The following PDE1C variants were observed in gnomAD, a reference collection of about 807,000 sequenced individuals.
The protein encoded by PDE1C is dual specificity calcium/calmodulin-dependent 3',5'-cyclic nucleotide phosphodiesterase 1C.
A neutral mutation model predicts 93.1 loss-of-function variants in PDE1C; 62 were observed. The ratio of observed to expected loss-of-function variants is 0.67; its 90% CI spans 0.54 to 0.82. PDE1C has a LOEUF of 0.82. PDE1C is among the 40% of genes least tolerant of loss of function. The probability of loss-of-function intolerance (pLI) is 0.00; values close to 1 mark genes in which losing one functional copy is unlikely to be tolerated. For missense variants in PDE1C, 742 were observed against 884.6 expected (o/e 0.84, Z 2.04); for synonymous variants, 325 against 310.1 (o/e 1.05, Z -0.50).
chr7:31,846,118 G>A (rs529631034), intron 9 of PDE1C, among the ~76,000 whole-genome samples: 1 of 152,028 alleles, frequency 6.6e-6, no homozygotes, highest in South Asian at 2.1e-4. Context: ...GTATAATCCT[G>A]GCTTCCTGAC....
chr7:31,914,299 A>G (rs1801609581), intron 2 of PDE1C, among the ~76,000 whole-genome samples: 1 of 152,230 alleles, frequency 6.6e-6, no homozygotes, highest in African/African-American at 2.4e-5. Flanking sequence ...ATCAAGACAA[A>G]TATAATAGCT....
the PDE1C span, among the ~76,000 whole-genome samples, chr7:31,697,613 C>T: frequency 5.3e-5 from 8 of 151,906 alleles, no homozygotes; most frequent in East Asian, 1.3e-3. Context: ...TGTAAAGGAG[C>T]TGCTCTGTGA....
chr7:31,709,891 C>T, the PDE1C span, among the ~76,000 whole-genome samples: 1 of 152,186 alleles, frequency 6.6e-6, no homozygotes, highest in Non-Finnish European at 1.5e-5. Flanking sequence ...TGGCTCATGC[C>T]TGTAATTCCA....
intron 2 of PDE1C, among the ~76,000 whole-genome samples, chr7:32,009,616 G>C (rs1269714666): frequency 6.6e-6 from 1 of 152,198 alleles, no homozygotes; most frequent in Non-Finnish European, 1.5e-5. Flanking sequence ...TTCCTTATAA[G>C]ATCAGCAATG....
chr7:31,915,804 T>A (rs1332338591), intron 2 of PDE1C, among the ~76,000 whole-genome samples: 2 of 152,204 alleles, frequency 1.3e-5, no homozygotes, highest in African/African-American at 4.8e-5. Flanking sequence ...ACACATTTAT[T>A]TAACATAAGT....
intron 2 of PDE1C, among the ~76,000 whole-genome samples, chr7:31,994,638 A>T (rs1269897173): frequency 6.6e-6 from 1 of 152,180 alleles, no homozygotes; most frequent in Non-Finnish European, 1.5e-5. Flanking sequence ...AAGGAACCTA[A>T]TTACTTTCCA....
At chr7:32,299,886 G>C (rs1308248955), upstream of PDE1C, among the ~76,000 whole-genome samples, 1 of 152,124 alleles carries the variant, frequency 6.6e-6, no homozygotes, top group Non-Finnish European at 1.5e-5. Flanking sequence ...AAGAGTCCAC[G>C]GTATAACAAT....
At chr7:32,354,511 C>T (rs774554268) in intron 1 of PDE1C, among the ~76,000 whole-genome samples, 8 of 152,272 alleles carry the variant, frequency 5.3e-5, no homozygotes, top group Non-Finnish European at 8.8e-5. Flanking sequence ...CATACCTGTA[C>T]TCCCAGCTAC....
At chr7:31,998,426 T>C (rs1785040867) in intron 2 of PDE1C, among the ~76,000 whole-genome samples, 1 of 152,222 alleles carries the variant, frequency 6.6e-6, no homozygotes, top group Non-Finnish European at 1.5e-5. Context: ...TGTATGACTC[T>C]ATGGTAGGCC....
intron 1 of PDE1C, among the ~76,000 whole-genome samples, chr7:32,259,417 C>A (rs1000327176): frequency 6.6e-6 from 1 of 152,136 alleles, no homozygotes; most frequent in African/African-American, 2.4e-5. Flanking sequence ...GTGCTCAGGG[C>A]CCCGGCAAGT....
At chr7:31,884,600 A>G (rs1797655186) in intron 2 of PDE1C, among the ~76,000 whole-genome samples, 1 of 152,150 alleles carries the variant, frequency 6.6e-6, no homozygotes, top group African/African-American at 2.4e-5. Context: ...GTGATTCCAG[A>G]TGCCCCTTTC....
chr7:31,971,147 A>G (rs1584265148), intron 2 of PDE1C, among the ~76,000 whole-genome samples: 1 of 152,190 alleles, frequency 6.6e-6, no homozygotes, highest in Non-Finnish European at 1.5e-5. Context: ...CTGTTTCAAT[A>G]CATAAAAAAT....
intron 3 of PDE1C, among the ~76,000 whole-genome samples, chr7:32,139,973 A>C (rs922403838): frequency 5.9e-5 from 9 of 152,116 alleles, no homozygotes; most frequent in African/African-American, 2.2e-4. Flanking sequence ...TGGGCATTGG[A>C]TGACAATGCT....
downstream of PDE1C, among the ~76,000 whole-genome samples, chr7:31,748,593 T>G (rs759783664): frequency 1.3e-5 from 2 of 152,256 alleles, no homozygotes; most frequent in Non-Finnish European, 1.5e-5. Context: ...CTTTTCATGT[T>G]CTGTGAATGT....
At chr7:31,720,410 T>C in the PDE1C span, among the ~76,000 whole-genome samples, 2 of 152,144 alleles carry the variant, frequency 1.3e-5, no homozygotes, top group African/African-American at 4.8e-5. Context: ...GCCTACATCG[T>C]AAGCGTCTCT....
At chr7:31,889,137 G>A (rs1798317966) in intron 2 of PDE1C, among the ~76,000 whole-genome samples, 5 of 152,154 alleles carry the variant, frequency 3.3e-5, no homozygotes, top group Admixed American at 2.6e-4. Flanking sequence ...TCATTTGGTG[G>A]AAACCGATTC....
At chr7:31,865,994 T>C (rs1795245563) in intron 6 of PDE1C, among the ~76,000 whole-genome samples, 1 of 152,172 alleles carries the variant, frequency 6.6e-6, no homozygotes, top group Non-Finnish European at 1.5e-5. Flanking sequence ...AGATTAATTG[T>C]TTTGTCGTCT....
At chr7:31,796,342 C>T (rs1785308920) in intron 16 of PDE1C, among the ~76,000 whole-genome samples, 1 of 151,404 alleles carries the variant, frequency 6.6e-6, no homozygotes, top group Non-Finnish European at 1.5e-5. Flanking sequence ...ATTTCAGTTG[C>T]TATTTTCATA....
chr7:32,148,937 G>A (rs1444906098), intron 3 of PDE1C, among the ~76,000 whole-genome samples: 1 of 152,164 alleles, frequency 6.6e-6, no homozygotes, highest in Non-Finnish European at 1.5e-5. Context: ...CACTCACTGA[G>A]AAAGATATTT....
Sources: gnomAD v4.1 joint callset for allele counts (sites outside exome capture counted in the v4.1 genomes callset) on GRCh38, gnomAD v4.1.1 for gene constraint, MANE v1.5 for transcripts, NCBI Gene and HGNC (gene_info 2026-07-23, HGNC 2026-07-21) for gene names.